Variants in SLC1A2 observed in about 807,000 individuals in gnomAD.
The protein encoded by SLC1A2 is solute carrier family 1 member 2.
SLC1A2 carries 15 observed loss-of-function variants against 48.8 expected under a neutral mutation model. That is an observed-to-expected ratio of 0.31 (90% CI 0.21 to 0.47). The LOEUF (loss-of-function observed/expected upper bound fraction) is 0.47. SLC1A2 is among the 20% of genes least tolerant of loss of function. The probability of loss-of-function intolerance (pLI) is 0.99; values close to 1 mark genes in which losing one functional copy is unlikely to be tolerated. For missense variants in SLC1A2, 502 were observed against 730.5 expected, an observed-to-expected ratio of 0.69 and a Z score of 3.61; for synonymous variants, 279 against 272.6, an observed-to-expected ratio of 1.02 and a Z score of -0.23.
chr11:35,299,794 C>T (rs74419369), intron 6 of SLC1A2: 3,713 of 152,096 alleles, frequency 0.024, 172 homozygotes, highest in East Asian at 0.15. Context: ...GGAATTTCCA[C>T]GAAAGACACC....
intron 9 of SLC1A2, among the ~76,000 whole-genome samples, chr11:35,278,416 C>A (rs918432348): frequency 6.6e-6 from 1 of 151,820 alleles, no homozygotes; most frequent in South Asian, 2.1e-4. Context: ...GCTGGGATTA[C>A]GGGCATATGC....
chr11:35,374,254 G>A (rs1413242633), intron 1 of SLC1A2: 21 of 870,296 alleles, frequency 2.4e-5, no homozygotes, highest in African/African-American at 5.2e-5. Context: ...AGACACTCCC[G>A]AAGCTGAGAA....
chr11:35,345,855 T>C (rs765554035), intron 1 of SLC1A2, among the ~76,000 whole-genome samples: 9 of 152,232 alleles, frequency 5.9e-5, no homozygotes, highest in South Asian at 2.1e-4. Context: ...CCAATGCTTG[T>C]ACCAATAATT....
At chr11:35,339,040 T>C (rs976795518) in intron 1 of SLC1A2, among the ~76,000 whole-genome samples, 1 of 152,196 alleles carries the variant, frequency 6.6e-6, no homozygotes, top group African/African-American at 2.4e-5. Context: ...TGGGGGATCA[T>C]CTTGTTTTCT....
intron 5 of SLC1A2, among the ~76,000 whole-genome samples, chr11:35,304,077 T>C (rs1160200841): frequency 6.6e-6 from 1 of 152,134 alleles, no homozygotes; most frequent in African/African-American, 2.4e-5. Context: ...TAATTTTTCT[T>C]TGTAAACATT....
chr11:35,260,910 C>T lies in SLC1A2; in HGVS notation c.1709G>A (p.Trp570Ter). 1 of 1,613,130 alleles carries T rather than the reference C, an allele frequency of 6.2e-7. No homozygotes were observed. The highest frequency in any genetic ancestry group is 8.5e-7 in the Non-Finnish European group (1 of 1,179,158). Residue 570 changes from tryptophan to a stop codon, truncating the protein, a stop_gained, in exon 11 of 11, where the codon TGG (tryptophan) becomes TAG (stop). Transcript: ENST00000278379. LOFTEE classifies it high-confidence loss of function. ...SADCSVEEEP[W>*]KREK is the part of the protein sequence containing the mutation. ...CTCATATCCTTATTTCTCACGTTTC[C>T]AAGGTTCTTCCTCAACACTGCAGTC... is the stretch of plus-strand genomic sequence containing the variant.
intron 1 of SLC1A2, among the ~76,000 whole-genome samples, chr11:35,341,013 C>T (rs866136166): frequency 1.8e-4 from 28 of 152,162 alleles, no homozygotes; most frequent in Admixed American, 5.9e-4. Context: ...ATCTCCCAGA[C>T]GCCAGGAACT....
At chr11:35,380,395 G>A (rs549472492) in intron 1 of SLC1A2, 1 of 398,608 alleles carries the variant, frequency 2.5e-6, no homozygotes, top group East Asian at 3.6e-5. Flanking sequence ...TCCAAATGTG[G>A]TCCTTGGGCC....
intron 1 of SLC1A2, among the ~76,000 whole-genome samples, chr11:35,399,075 G>T (rs1855061902): frequency 6.6e-6 from 1 of 152,168 alleles, no homozygotes; most frequent in African/African-American, 2.4e-5. Flanking sequence ...ATTTGCATCA[G>T]CCTGCCAGTT....
At chr11:35,384,001 C>T (rs770372845) in intron 1 of SLC1A2, among the ~76,000 whole-genome samples, 12 of 152,192 alleles carry the variant, frequency 7.9e-5, no homozygotes, top group African/African-American at 1.2e-4. Flanking sequence ...ATAAAAGGGA[C>T]AGAAACTGTA....
chr11:35,351,090 G>A lies in SLC1A2; in HGVS notation c.18-33574C>T, dbSNP rs560025612. 2.0e-5 allele frequency among the ~76,000 whole-genome samples: 3 copies of A among 152,276 alleles called. No homozygotes were observed. The East Asian group carries it at 5.8e-4, about 29-fold the overall frequency. On this transcript the variant is annotated intron_variant, in intron 1 of 10. Coordinates refer to ENST00000278379, the MANE Select transcript of SLC1A2 (RefSeq NM_004171.4). The stretch of plus-strand genomic sequence containing the variant: ...ACTAATGATGGCTAACATTCATTGA[G>A]TACTTACTCTGAGTCAGGTACTATC...
At chr11:35,298,243 GT>G (rs1221022992) in intron 6 of SLC1A2, 2 of 152,136 alleles carry the variant, frequency 1.3e-5, no homozygotes, top group African/African-American at 4.8e-5. Context: ...AATAATAATT[GT>G]TTCCTCAGTA....
chr11:35,283,590 G>T (rs1243372017), intron 8 of SLC1A2, among the ~76,000 whole-genome samples: 1 of 152,060 alleles, frequency 6.6e-6, no homozygotes, highest in Non-Finnish European at 1.5e-5. Context: ...TCACTCACTG[G>T]TCCATTCTCC....
At chr11:35,360,075 G>A (rs897389989) in intron 1 of SLC1A2, 12 of 985,140 alleles carry the variant, frequency 1.2e-5, no homozygotes, top group Non-Finnish European at 1.3e-5. Flanking sequence ...GAACGTGCTG[G>A]TCACGTAGTG....
chr11:35,279,880 T>C (rs947166253), intron 9 of SLC1A2, among the ~76,000 whole-genome samples: 1 of 152,242 alleles, frequency 6.6e-6, no homozygotes, highest in Non-Finnish European at 1.5e-5. Flanking sequence ...TTTCTTGATA[T>C]TCTCCGCTCT....
At chr11:35,294,640 T>C (rs1851114652) in intron 6 of SLC1A2, among the ~76,000 whole-genome samples, 1 of 152,166 alleles carries the variant, frequency 6.6e-6, no homozygotes, top group Non-Finnish European at 1.5e-5. Flanking sequence ...ATATAAGCTG[T>C]TTGGGGTGCC....
chr11:35,365,923 TGAGGG>T (rs1853832670), intron 1 of SLC1A2, among the ~76,000 whole-genome samples: 1 of 151,976 alleles, frequency 6.6e-6, no homozygotes, highest in Admixed American at 6.6e-5. Flanking sequence ...AATTATGAGG[TGAGGG>T]GAGGGAGGCT....
At chr11:35,283,765 T>A (rs1300156032) in intron 8 of SLC1A2, among the ~76,000 whole-genome samples, 1 of 152,168 alleles carries the variant, frequency 6.6e-6, no homozygotes, top group Non-Finnish European at 1.5e-5. Context: ...AGTCTCGTGA[T>A]ATCTGTTAGG....
At position 35,254,678 on chromosome 11, in the gene SLC1A2, C is replaced by G. The variant is rs544389178; in HGVS notation, c.*6216G>C. On this transcript the variant is annotated 3_prime_UTR_variant, in exon 11 of 11. Coordinates refer to ENST00000278379, the MANE Select transcript of SLC1A2 (RefSeq NM_004171.4). ...CAGTCAGTTGTCAGGTTTCAACACT[C>G]ACCCAAGGATTGGGGGTGTCTCCAG... The G allele has an allele frequency of 2.0e-4, 83 of 421,516 alleles. No homozygotes were observed. In the East Asian group the frequency reaches 4.6e-3, roughly 23 times the overall value. The allele number at this position is 421,516 out of a possible 1,614,324, so 26.1% of individuals were successfully genotyped here.
Sources: gnomAD v4.1 joint callset for allele counts (sites outside exome capture counted in the v4.1 genomes callset) on GRCh38, gnomAD v4.1.1 for gene constraint, MANE v1.5 for transcripts, NCBI Gene and HGNC (gene_info 2026-07-23, HGNC 2026-07-21) for gene names.